The following PPARGC1A variants were observed in gnomAD, a reference collection of about 807,000 sequenced individuals.
PPARGC1A encodes PPARG coactivator 1 alpha.
In PPARGC1A, 25 loss-of-function variants were observed where a neutral mutation model predicts 88.7. The ratio of observed to expected loss-of-function variants is 0.28; its 90% CI spans 0.21 to 0.39. The LOEUF is 0.39. Ranked by LOEUF, PPARGC1A falls within the 10% of genes least tolerant of loss-of-function variation. The pLI is 1.00. For missense variants in PPARGC1A, 880 were observed against 968.7 expected, an observed-to-expected ratio of 0.91 and a Z score of 1.22; for synonymous variants, 363 against 355.6, an observed-to-expected ratio of 1.02 and a Z score of -0.24.
the PPARGC1A span, among the ~76,000 whole-genome samples, chr4:24,210,728 C>T: frequency 2.0e-5 from 3 of 152,216 alleles, no homozygotes; most frequent in African/African-American, 7.2e-5. Context: ...GCTTGATCAT[C>T]TACAATTCCA....
At chr4:24,316,025 C>A in the PPARGC1A span, among the ~76,000 whole-genome samples, 1 of 152,200 alleles carries the variant, frequency 6.6e-6, no homozygotes, top group African/African-American at 2.4e-5. Context: ...GCCAAGAGGG[C>A]AGCTTCTGGA....
At chr4:24,129,067 C>T in the PPARGC1A span, among the ~76,000 whole-genome samples, 1 of 152,200 alleles carries the variant, frequency 6.6e-6, no homozygotes, top group Admixed American at 6.5e-5. Flanking sequence ...AAGATGACTC[C>T]ATATTTTAAG....
chr4:24,359,386 T>C, the PPARGC1A span, among the ~76,000 whole-genome samples: 3 of 152,192 alleles, frequency 2.0e-5, no homozygotes, highest in Non-Finnish European at 4.4e-5. Flanking sequence ...CCACCATTTA[T>C]ACCTTTATCC....
chr4:24,154,663 G>A, the PPARGC1A span, among the ~76,000 whole-genome samples: 4 of 152,156 alleles, frequency 2.6e-5, no homozygotes, highest in Non-Finnish European at 5.9e-5. Context: ...TCTAAGCTGA[G>A]TTATCAAATC....
At chr4:24,038,159 G>T in the PPARGC1A span, among the ~76,000 whole-genome samples, 1 of 152,154 alleles carries the variant, frequency 6.6e-6, no homozygotes, top group Non-Finnish European at 1.5e-5. Context: ...TGGATGACCA[G>T]GAGAATGTCA....
chr4:24,302,439 G>A, the PPARGC1A span, among the ~76,000 whole-genome samples: 2 of 152,218 alleles, frequency 1.3e-5, no homozygotes, highest in East Asian at 3.9e-4. Flanking sequence ...TCTCTTCCTC[G>A]CCCCTGCCCC....
At chr4:23,895,085 AG>A in intron 1 of PPARGC1A, among the ~76,000 whole-genome samples, 2 of 64,314 alleles carry the variant, frequency 3.1e-5, no homozygotes, top group African/African-American at 9.4e-5. Context: ...TTTACTAAGA[AG>A]GATTTTTTTT....
At chr4:23,903,869 C>G, upstream of PPARGC1A, 1 of 212,824 alleles carries the variant, frequency 4.7e-6, no homozygotes, top group Non-Finnish European at 8.1e-6. Flanking sequence ...CACACAAAAC[C>G]TCCAAATCTG....
chr4:23,852,251 G>C (rs1197297314), intron 2 of PPARGC1A, among the ~76,000 whole-genome samples: 1 of 152,138 alleles, frequency 6.6e-6, no homozygotes, highest in Non-Finnish European at 1.5e-5. Flanking sequence ...GCATGGTTTT[G>C]CCTACAAAAG....
At chr4:24,075,710 C>T in the PPARGC1A span, among the ~76,000 whole-genome samples, 2,609 of 152,220 alleles carry the variant, frequency 0.017, 72 homozygotes, top group African/African-American at 0.06. Context: ...TGTGCATGCT[C>T]TTTCCTTGAC....
At chr4:24,054,204 A>C in the PPARGC1A span, among the ~76,000 whole-genome samples, 1 of 151,822 alleles carries the variant, frequency 6.6e-6, no homozygotes, top group Non-Finnish European at 1.5e-5. Flanking sequence ...AGGTATCCTA[A>C]GGGGAAAAGA....
chr4:24,238,743 A>ATGTGTGTGTGTG, the PPARGC1A span, among the ~76,000 whole-genome samples: 4 of 118,542 alleles, frequency 3.4e-5, no homozygotes, highest in East Asian at 7.6e-4. Flanking sequence ...CCAAGGTTGT[A>ATGTGTGTGTGTG]TATGTGTGTG....
the PPARGC1A span, among the ~76,000 whole-genome samples, chr4:24,086,776 TG>T: frequency 6.6e-6 from 1 of 152,328 alleles, no homozygotes; most frequent in East Asian, 1.9e-4. Context: ...GTGCATTTGA[TG>T]GGTCACCAAG....
the PPARGC1A span, among the ~76,000 whole-genome samples, chr4:24,428,155 T>A: frequency 0.012 from 1,787 of 151,232 alleles, 52 homozygotes; most frequent in East Asian, 0.11. Context: ...CCAGCCCAAA[T>A]GACCATAGTG....
At chr4:23,922,204 G>A in the PPARGC1A span, among the ~76,000 whole-genome samples, 1 of 152,114 alleles carries the variant, frequency 6.6e-6, no homozygotes, top group African/African-American at 2.4e-5. Context: ...TAATGGACTG[G>A]GTGCTTGGCA....
At chr4:24,218,800 T>C in the PPARGC1A span, among the ~76,000 whole-genome samples, 39 of 152,232 alleles carry the variant, frequency 2.6e-4, no homozygotes, top group East Asian at 1.9e-4. Context: ...AGATGATCAG[T>C]GCTCAAGCAG....
intron 2 of PPARGC1A, among the ~76,000 whole-genome samples, chr4:23,859,452 G>A (rs1050858883): frequency 2.6e-5 from 4 of 152,022 alleles, no homozygotes; most frequent in African/African-American, 9.7e-5. Flanking sequence ...GAAGGAAATT[G>A]GGAGACTGCA....
the PPARGC1A span, among the ~76,000 whole-genome samples, chr4:24,316,482 G>A: frequency 1.3e-5 from 2 of 152,208 alleles, no homozygotes; most frequent in East Asian, 1.9e-4. Context: ...GGCTGCTGAG[G>A]AGCCTTAGCT....
chr4:24,190,736 C>G, the PPARGC1A span, among the ~76,000 whole-genome samples: 1 of 152,164 alleles, frequency 6.6e-6, no homozygotes, highest in African/African-American at 2.4e-5. Context: ...CAGGTCTTCA[C>G]AGCCTGGGCA....
Sources: allele counts gnomAD v4.1 joint callset (sites outside exome capture counted in the v4.1 genomes callset), GRCh38; gene constraint gnomAD v4.1.1; transcripts MANE v1.5; gene names NCBI Gene and HGNC (gene_info 2026-07-23, HGNC 2026-07-21).